FBN2: variants seen among roughly 807,000 people sequenced by gnomAD.
FBN2 encodes the protein fibrillin 2.
FBN2 carries 105 observed loss-of-function variants against 355.6 expected under a neutral mutation model. The ratio of observed to expected loss-of-function variants is 0.30; its 90% CI spans 0.25 to 0.35. The LOEUF (loss-of-function observed/expected upper bound fraction) is 0.35, where lower values mean the gene tolerates loss of function less well. Ranked by LOEUF, FBN2 falls within the 10% of genes least tolerant of loss-of-function variation. The probability of loss-of-function intolerance (pLI) is 1.00; values close to 1 mark genes in which losing one functional copy is unlikely to be tolerated. For missense variants in FBN2, 3,280 were observed against 3,758.7 expected (o/e 0.87, Z 3.33); for synonymous variants, 1,350 against 1,301.2 (o/e 1.04, Z -0.81).
At chr5:128,424,447 G>A (rs1424734419) in intron 7 of FBN2, among the ~76,000 whole-genome samples, 2 of 152,058 alleles carry the variant, frequency 1.3e-5, no homozygotes, top group African/African-American at 4.8e-5. Context: ...AGAAAGGGAA[G>A]GATATTTTTT....
chr5:128,334,982 GATAA>G, intron 30 of FBN2, 138 bp from the exon 31 acceptor site: 2 of 1,152,586 alleles, frequency 1.7e-6, no homozygotes, highest in South Asian at 1.3e-5. Flanking sequence ...TCGTGTTATA[GATAA>G]ATATACAACC....
At chr5:128,375,040 A>G (rs1207024779) in intron 14 of FBN2, among the ~76,000 whole-genome samples, 1 of 152,216 alleles carries the variant, frequency 6.6e-6, no homozygotes, top group Non-Finnish European at 1.5e-5. Context: ...TAAGTAAAAC[A>G]AATTCTTTAA....
intron 16 of FBN2, among the ~76,000 whole-genome samples, chr5:128,367,145 C>T (rs1374825056): frequency 5.3e-5 from 8 of 152,142 alleles, no homozygotes; most frequent in Non-Finnish European, 1.0e-4. Flanking sequence ...AATTATATCA[C>T]TAGGATAGTC....
chr5:128,384,793 T>G (rs1365284359), intron 11 of FBN2, among the ~76,000 whole-genome samples: 2 of 151,996 alleles, frequency 1.3e-5, no homozygotes, highest in Non-Finnish European at 2.9e-5. Flanking sequence ...ATAGTTGGAT[T>G]TTTTCAGACA....
rs776362563 is a variant in FBN2 at position 128,291,512 on chromosome 5, G to C, written c.6292+17C>G. On this transcript the variant is annotated intron_variant, in intron 49 of 64. Transcript: ENST00000262464. ...TCTAAGCGTGAACTGTGACAGTGAA[G>C]TCATGCCAAATCTTACCAAAGCATC... The C allele has an allele frequency of 3.7e-6, 6 of 1,613,540 alleles. No homozygotes were observed. The African/African-American group carries it at 8.0e-5, about 22-fold the overall frequency.
rs1230152590 is a variant in FBN2 at position 128,361,776 on chromosome 5, C to A, written c.2501G>T (p.Ser834Ile). 6.2e-7 allele frequency: 1 copy of A among 1,614,156 alleles called. No individual in the cohort carries two copies. Among genetic ancestry groups the A allele is most frequent in the South Asian group, 1.1e-5 (1 of 91,084 alleles). Residue 834 changes from serine to isoleucine, a missense_variant, in exon 19 of 65, where the codon AGC becomes ATC. Transcript: ENST00000262464. ...GLCRNTPGSY[S>I]CTCPPGYVFR... Reference sequence around the variant, plus strand: ...CACATACCCTGGTGGGCACGTACAGCTGTAACTTCCTGGCGTGTTTCGGCA... The same window carrying A: ...CACATACCCTGGTGGGCACGTACAGATGTAACTTCCTGGCGTGTTTCGGCA...
chr5:128,536,044 T>A (rs1270826306), intron 2 of FBN2, among the ~76,000 whole-genome samples: 1 of 152,192 alleles, frequency 6.6e-6, no homozygotes, highest in African/African-American at 2.4e-5. Context: ...ATTTGCATAA[T>A]AACATGTGGT....
At chr5:128,534,469 T>A (rs1178868098) in intron 2 of FBN2, among the ~76,000 whole-genome samples, 3 of 152,254 alleles carry the variant, frequency 2.0e-5, no homozygotes, top group Non-Finnish European at 2.9e-5. Context: ...TGTTTAATAA[T>A]CTTAGGTACT....
rs956170988 is a variant in FBN2 at position 128,293,961 on chromosome 5, A to C, written c.6167-2307T>G. Reference sequence around the variant, plus strand: ...ACTAACTCGTCATCTAGCATTAGGTATATCTCCCAATGCTATCCCTCCCTC... The same window carrying C: ...ACTAACTCGTCATCTAGCATTAGGTCTATCTCCCAATGCTATCCCTCCCTC... On this transcript the variant is annotated intron_variant, in intron 48 of 64. Coordinates refer to ENST00000262464, the MANE Select transcript of FBN2 (RefSeq NM_001999.4). Among the ~76,000 whole-genome samples the C allele has an allele frequency of 7.2e-5, 11 of 151,920 alleles. 1 individual carries two copies. Among genetic ancestry groups the C allele is most frequent in the Non-Finnish European group, 1.6e-4 (11 of 67,994 alleles).
At chr5:128,318,298 G>A (rs1750267114) in intron 35 of FBN2, 27 bp from the exon 36 acceptor site, 1 of 1,613,586 alleles carries the variant, frequency 6.2e-7, no homozygotes, top group Non-Finnish European at 8.5e-7. Context: ...AAATGCCCAG[G>A]TTACCATTTT....
At chr5:128,513,668 C>G (rs574096997) in intron 5 of FBN2, among the ~76,000 whole-genome samples, 129 of 152,302 alleles carry the variant, frequency 8.5e-4, no homozygotes, top group African/African-American at 3.0e-3. Context: ...AAAGCCTGGC[C>G]TCTCCCAGGT....
At chr5:128,454,403 A>C (rs966331816) in intron 6 of FBN2, among the ~76,000 whole-genome samples, 3 of 152,192 alleles carry the variant, frequency 2.0e-5, no homozygotes, top group African/African-American at 7.2e-5. Context: ...GCATGAATTA[A>C]AGTTAGACTT....
At chr5:128,391,385 T>C (rs2126976420) in intron 11 of FBN2, among the ~76,000 whole-genome samples, 1 of 152,290 alleles carries the variant, frequency 6.6e-6, no homozygotes, top group East Asian at 1.9e-4. Context: ...TAAAAAGGTT[T>C]GCAAAAATGT....
At chr5:128,286,895 G>A in intron 54 of FBN2, 46 bp from the exon 55 acceptor site, 2 of 1,585,626 alleles carry the variant, frequency 1.3e-6, no homozygotes, top group African/African-American at 1.4e-5. Context: ...GCAAGCTGTA[G>A]TTTAGTACTT....
At chr5:128,390,553 T>C (rs1041379923) in intron 11 of FBN2, among the ~76,000 whole-genome samples, 1 of 152,222 alleles carries the variant, frequency 6.6e-6, no homozygotes, top group African/African-American at 2.4e-5. Flanking sequence ...AAATTAATAA[T>C]AATCTTGGCC....
chr5:128,287,624 A>G (rs1454406594), intron 53 of FBN2, among the ~76,000 whole-genome samples, 194 bp from the exon 54 acceptor site: 1 of 152,216 alleles, frequency 6.6e-6, no homozygotes, highest in Non-Finnish European at 1.5e-5. Flanking sequence ...GAAAGAATAT[A>G]AAAAGTACCT....
In FBN2 at chr5:128,278,835, C is replaced by A; in HGVS notation, c.7145G>T (p.Arg2382Leu). 6.2e-7 allele frequency: 1 copy of A among 1,613,164 alleles called. No homozygotes were observed. Among genetic ancestry groups the A allele is most frequent in the Non-Finnish European group, 8.5e-7 (1 of 1,179,690 alleles). ...TACCTCTGCAAAGCAGAGACCCTGT[C>A]GATTGTCTGAAATGGCAAAGTAGAA... The part of the protein sequence containing the change: ...SSSGTECLDN[R>L]QGLCFAEVLQ... Residue 2382 changes from arginine to leucine, a missense_variant, in exon 57 of 65, where the codon CGA becomes CTA. Arg to Leu is a moderately radical substitution (Grantham distance 102). This residue lies in a region of FBN2 where 2,284 missense variants were observed against 2,749.5 expected (regional missense o/e 0.83). Transcript: ENST00000262464.
At chr5:128,315,642 C>T (rs1044118442) in intron 36 of FBN2, among the ~76,000 whole-genome samples, 2 of 152,164 alleles carry the variant, frequency 1.3e-5, no homozygotes, top group East Asian at 3.8e-4. Flanking sequence ...CACATATTTC[C>T]TTCCAGTAAC....
intron 15 of FBN2, among the ~76,000 whole-genome samples, chr5:128,371,538 T>TA (rs1418296659): frequency 2.0e-5 from 3 of 147,094 alleles, no homozygotes; most frequent in Admixed American, 2.0e-4. Context: ...CTTCCTTCTG[T>TA]TTTTTTTTGA....
Sources: gnomAD v4.1 joint callset for allele counts (sites outside exome capture counted in the v4.1 genomes callset) on GRCh38, gnomAD v4.1.1 for gene constraint, gnomAD v4.1.1 regional missense constraint, MANE v1.5 for transcripts, NCBI Gene and HGNC (gene_info 2026-07-23, HGNC 2026-07-21) for gene names.